Variants in BCAS3 observed in about 807,000 individuals in gnomAD.
BCAS3 encodes the protein BCAS3 microtubule associated cell migration factor, also known as BCAS4/BCAS3 fusion.
BCAS3 carries 53 observed loss-of-function variants against 116.1 expected under a neutral mutation model. That is an observed-to-expected ratio of 0.46 (90% CI 0.37 to 0.57). The LOEUF (loss-of-function observed/expected upper bound fraction) is 0.57. Ranked by LOEUF, BCAS3 falls within the 20% of genes least tolerant of loss-of-function variation. BCAS3 has a pLI of 0.00. For synonymous variants in BCAS3, 391 were observed against 408.2 expected, an observed-to-expected ratio of 0.96 and a Z score of 0.51; for missense variants, 917 against 1,165.4, an observed-to-expected ratio of 0.79 and a Z score of 3.10.
intron 19 of BCAS3, among the ~76,000 whole-genome samples, chr17:61,074,187 T>A (rs2083769412): frequency 6.6e-6 from 1 of 151,120 alleles, no homozygotes; most frequent in African/African-American, 2.4e-5. Flanking sequence ...TATCCGTATC[T>A]TTAGCTCAAC....
At chr17:60,771,334 T>G (rs1780678824) in intron 6 of BCAS3, among the ~76,000 whole-genome samples, 1 of 152,062 alleles carries the variant, frequency 6.6e-6, no homozygotes, top group Non-Finnish European at 1.5e-5. Context: ...GCAATGGAAA[T>G]TGCCGGTATG....
intron 6 of BCAS3, among the ~76,000 whole-genome samples, chr17:60,797,905 G>A (rs949608968): frequency 2.6e-5 from 4 of 152,174 alleles, no homozygotes; most frequent in African/African-American, 9.7e-5. Context: ...AGCCAGGCAT[G>A]GTGATGTGTG....
intron 13 of BCAS3, among the ~76,000 whole-genome samples, chr17:60,932,742 CA>C (rs1167994825): frequency 0.022 from 847 of 38,196 alleles, 2 homozygotes; most frequent in Middle Eastern, 0.026. Flanking sequence ...ACTCTTGTCT[CA>C]AAAAAAAAAA....
intron 7 of BCAS3, among the ~76,000 whole-genome samples, chr17:60,826,881 T>C (rs1003668085): frequency 6.6e-6 from 1 of 152,226 alleles, no homozygotes; most frequent in East Asian, 1.9e-4. Flanking sequence ...ACGTGGATGA[T>C]ATTAGGCCTT....
rs373246466 is a variant in BCAS3, at chr17:60,760,493, TTTTG to T, written c.403+13218_403+13221del. 9.6e-3 allele frequency among the ~76,000 whole-genome samples: 1,001 copies of T among 104,062 alleles called. 9 individuals are homozygous for T. The highest frequency in any genetic ancestry group is 0.076 in the African/African-American group (947 of 12,412). The allele number at this position is 104,062 out of a possible 152,430, so 68.3% of individuals were successfully genotyped here. A position where few individuals can be genotyped will look rare whatever the true frequency, so the allele number is the denominator to read the frequency against. On this transcript the variant is annotated intron_variant, in intron 6 of 23. Transcript: ENST00000407086. ...TATAGTATCCTTGGGTGACAGGTTT[TTTTG>T]TTTTTTTTTTTTTAAATTTTAGCAC... is the stretch of plus-strand genomic sequence containing the variant.
intron 5 of BCAS3, among the ~76,000 whole-genome samples, chr17:60,717,102 A>G (rs1475128301): frequency 1.3e-5 from 2 of 152,306 alleles, no homozygotes; most frequent in East Asian, 3.9e-4. Context: ...ACCCAGTGAC[A>G]TAGTGGTGTG....
intron 6 of BCAS3, among the ~76,000 whole-genome samples, chr17:60,798,910 A>G (rs899028464): frequency 7.9e-5 from 12 of 152,216 alleles, no homozygotes; most frequent in African/African-American, 2.9e-4. Flanking sequence ...GTTTTAGTCT[A>G]TAATTCCATA....
At chr17:60,816,273 T>C (rs1459812128) in intron 7 of BCAS3, among the ~76,000 whole-genome samples, 2 of 132,904 alleles carry the variant, frequency 1.5e-5, no homozygotes, top group Non-Finnish European at 3.0e-5. Flanking sequence ...TCTTTCTTTT[T>C]CTTTTCTTTT....
At chr17:61,312,299 G>T (rs898831732) in intron 22 of BCAS3, among the ~76,000 whole-genome samples, 2 of 152,168 alleles carry the variant, frequency 1.3e-5, no homozygotes, top group Non-Finnish European at 2.9e-5. Context: ...GTGGGGGAGG[G>T]TGTCAGCTCA....
rs1216213947 is a variant in BCAS3 at position 60,995,207 on chromosome 17, C to T, written c.1486+4972C>T. On this transcript the variant is annotated intron_variant, in intron 15 of 23. Transcript: ENST00000407086. The surrounding 1 kb of genome is among the most constrained non-coding windows in gnomAD (Gnocchi z 4.7). ...TTGCTCTGTCTCCCAGGCTAGAGTGCAGTGGTGCAATCTTGGCTTGCTGCA... is the reference window on the plus strand; with the variant it reads ...TTGCTCTGTCTCCCAGGCTAGAGTGTAGTGGTGCAATCTTGGCTTGCTGCA... 6.6e-6 allele frequency among the ~76,000 whole-genome samples: 1 copy of T among 152,110 alleles called. No individual in the cohort carries two copies. The highest frequency in any genetic ancestry group is 1.9e-4 in the East Asian group (1 of 5,190).
intron 13 of BCAS3, among the ~76,000 whole-genome samples, chr17:60,944,812 A>G (rs2060400826): frequency 6.6e-6 from 1 of 152,172 alleles, no homozygotes; most frequent in Non-Finnish European, 1.5e-5. Flanking sequence ...GCACTTGAAA[A>G]ATTCAATTTT....
intron 22 of BCAS3, among the ~76,000 whole-genome samples, chr17:61,305,565 G>A (rs765429592): frequency 2.0e-5 from 3 of 152,326 alleles, no homozygotes; most frequent in Non-Finnish European, 4.4e-5. Flanking sequence ...TATGTTGTCT[G>A]CTCAGAAGAG....
In BCAS3 at chr17:61,188,567, G is replaced by A. The variant is rs1053082967; in HGVS notation, c.2425+104003G>A. Among the ~76,000 whole-genome samples the A allele has an allele frequency of 6.6e-6, 1 of 152,160 alleles. No individual in the cohort carries two copies. The highest frequency in any genetic ancestry group is 1.5e-5 in the Non-Finnish European group (1 of 68,020). On this transcript the variant is annotated intron_variant, in intron 22 of 23. Transcript: ENST00000407086. The surrounding 1 kb of genome is among the most constrained non-coding windows in gnomAD (Gnocchi z 4.0). ...CCTTTAAACAACTTTATTGTTATTG[G>A]TGATTCTCTTTCTTTTTCTCTAAAC...
chr17:60,703,693 TCA>T (rs1342341782), intron 4 of BCAS3, among the ~76,000 whole-genome samples: 1 of 151,824 alleles, frequency 6.6e-6, no homozygotes, highest in Non-Finnish European at 1.5e-5. Context: ...GGCGGGTGGA[TCA>T]CGAGGTCAGG....
At position 61,029,688 on chromosome 17, in the gene BCAS3, A is replaced by G. The variant is rs8071910; in HGVS notation, c.1638-4978A>G. Among the ~76,000 whole-genome samples, 23,351 of 151,890 alleles carry G rather than the reference A, an allele frequency of 0.15. 5,692 individuals carry two copies. The highest frequency in any genetic ancestry group is 0.52 in the African/African-American group (21,405 of 41,392). ...CAGGTAGACAATGGGTAGTCCATATAAGTATATTTCTTCCTCATAAAATGT... is the reference window on the plus strand; with the variant it reads ...CAGGTAGACAATGGGTAGTCCATATGAGTATATTTCTTCCTCATAAAATGT... On this transcript the variant is annotated intron_variant, in intron 16 of 23. Coordinates refer to ENST00000407086, the MANE Select transcript of BCAS3 (RefSeq NM_017679.5). The surrounding 1 kb of genome is among the most constrained non-coding windows in gnomAD (Gnocchi z 5.2).
intron 13 of BCAS3, among the ~76,000 whole-genome samples, chr17:60,931,485 C>T (rs889639638): frequency 5.9e-5 from 9 of 152,156 alleles, no homozygotes; most frequent in South Asian, 2.1e-4. Context: ...CCATGTTGCA[C>T]GGGCTGGTCT....
Position 61,098,204 on chromosome 17 carries a change from T to A in BCAS3, c.2425+13640T>A, listed in dbSNP as rs1339119478. ...TAGAGTTCTTGACCTGAACCTGTAA[T>A]TACTTGGACATTTTGAAGGTAGCTT... On this transcript the variant is annotated intron_variant, in intron 22 of 23. Transcript: ENST00000407086. The surrounding 1 kb of genome is among the most constrained non-coding windows in gnomAD (Gnocchi z 4.2). Among the ~76,000 whole-genome samples, 2 of 152,202 alleles carry A rather than the reference T, an allele frequency of 1.3e-5. No individual in the cohort carries two copies. Among genetic ancestry groups the A allele is most frequent in the East Asian group, 3.8e-4 (2 of 5,198 alleles).
At chr17:60,706,951 A>T (rs963098108) in intron 4 of BCAS3, among the ~76,000 whole-genome samples, 1 of 151,646 alleles carries the variant, frequency 6.6e-6, no homozygotes, top group African/African-American at 2.4e-5. Flanking sequence ...AGCAACTGAG[A>T]CTGCAGGTGC....
At position 61,051,974 on chromosome 17, in the gene BCAS3, A is replaced by G. The variant is rs1191355713; in HGVS notation, c.2029+11082A>G. The stretch of plus-strand genomic sequence containing the variant: ...AGGAAAAAAGGAAAAAGATCAGAGT[A>G]TAAAATCAGTGAAACAGAAAACATA... On this transcript the variant is annotated intron_variant, in intron 19 of 23. Coordinates refer to ENST00000407086, the MANE Select transcript of BCAS3 (RefSeq NM_017679.5). This position sits in a 1 kb window ranked among gnomAD's most constrained non-coding sequence, Gnocchi z 4.1. Among the ~76,000 whole-genome samples the G allele has an allele frequency of 6.6e-6, 1 of 152,202 alleles. No individual in the cohort carries two copies. Among genetic ancestry groups the G allele is most frequent in the African/African-American group, 2.4e-5 (1 of 41,454 alleles).
Sources: gnomAD v4.1 joint callset for allele counts (sites outside exome capture counted in the v4.1 genomes callset) on GRCh38, gnomAD v4.1.1 for gene constraint, Gnocchi (gnomAD v3.1) non-coding constraint, MANE v1.5 for transcripts, NCBI Gene and HGNC (gene_info 2026-07-23, HGNC 2026-07-21) for gene names.